The following PLXNA2 variants were observed in gnomAD, a reference collection of about 807,000 sequenced individuals.
The protein encoded by PLXNA2 is plexin-A2.
A neutral mutation model predicts 193.5 loss-of-function variants in PLXNA2; 91 were observed. The ratio of observed to expected loss-of-function variants is 0.47; its 90% CI spans 0.40 to 0.56. The LOEUF (loss-of-function observed/expected upper bound fraction) is 0.56. PLXNA2 is among the 20% of genes least tolerant of loss of function. PLXNA2 has a pLI of 0.00. For missense variants in PLXNA2, 1,995 were observed against 2,503.2 expected, an observed-to-expected ratio of 0.80 and a Z score of 4.33; for synonymous variants, 997 against 1,027.3, an observed-to-expected ratio of 0.97 and a Z score of 0.56.
At position 208,042,206 on chromosome 1, in the gene PLXNA2, C is replaced by A. The variant is rs1664892399; in HGVS notation, c.4178G>T (p.Gly1393Val). 6.2e-7 allele frequency: 1 copy of A among 1,614,220 alleles called. No individual in the cohort carries two copies. Among genetic ancestry groups the A allele is most frequent in the South Asian group, 1.1e-5 (1 of 91,090 alleles). ...RGNVASLIMT[G>V]LQGRLEYATD... ...GGCATATTCCAGGCGGCCCTGCAGG[C>A]CGGTCATGATGAGCGAAGCCACGTT... Residue 1393 changes from glycine to valine, a missense_variant, in exon 22 of 32, where the codon GGC becomes GTC. This residue lies in a region of PLXNA2 where 1,291 missense variants were observed against 1,673.6 expected (regional missense o/e 0.77). Transcript: ENST00000367033.
chr1:208,122,827 G>T (rs1187158820), intron 4 of PLXNA2, among the ~76,000 whole-genome samples: 1 of 152,168 alleles, frequency 6.6e-6, no homozygotes, highest in Non-Finnish European at 1.5e-5. Context: ...CTTCCTCTTT[G>T]GGTGGTGGTT....
chr1:208,212,555 G>A (rs1013441072), intron 2 of PLXNA2, among the ~76,000 whole-genome samples: 3 of 152,130 alleles, frequency 2.0e-5, no homozygotes, highest in South Asian at 2.1e-4. Context: ...CAGCTGTTAG[G>A]GAATAACTGT....
At chr1:208,173,942 C>T (rs1669577013) in intron 3 of PLXNA2, among the ~76,000 whole-genome samples, 1 of 152,244 alleles carries the variant, frequency 6.6e-6, no homozygotes, top group Non-Finnish European at 1.5e-5. Context: ...TACCAGGATG[C>T]TGAGATGTGG....
At position 208,122,059 on chromosome 1, in the gene PLXNA2, T is replaced by G. The variant is rs950383610; in HGVS notation, c.1507-18812A>C. Among the ~76,000 whole-genome samples the G allele has an allele frequency of 4.6e-5, 7 of 152,082 alleles. No individual in the cohort carries two copies. In the South Asian group the frequency reaches 1.2e-3, roughly 27 times the overall value. On this transcript the variant is annotated intron_variant, in intron 4 of 31. Coordinates refer to ENST00000367033, the MANE Select transcript of PLXNA2 (RefSeq NM_025179.4). ...TCAGGAGCTGTCTCTCTCTGGCTGG[T>G]AGTGAAAAAAGATTAGGGCTGCCCA...
intron 17 of PLXNA2, among the ~76,000 whole-genome samples, chr1:208,049,910 G>A (rs1176418262): frequency 6.6e-6 from 1 of 152,126 alleles, no homozygotes; most frequent in Non-Finnish European, 1.5e-5. Context: ...GGTCAAAGCA[G>A]TAATGATAGT....
rs762034814 is a variant in PLXNA2, at chr1:208,054,449, G to A, written c.2828C>T (p.Thr943Met). ...GAAGGTGTACTGCTGATGGGACTTC[G>A]TCATGAACTCTGGCTTACACTCGCC... ...CIGECKPEFM[T>M]KSHQQYTFVN... is the part of the protein sequence containing the mutation. The change falls in exon 14 of 32, where the codon ACG (threonine) becomes ATG (methionine). Residue 943 changes from threonine to methionine, a missense_variant. By Grantham distance (81) the Thr-to-Met change is moderately conservative. Transcript: ENST00000367033. 1.9e-6 allele frequency: 3 copies of A among 1,614,106 alleles called. No individual in the cohort carries two copies. The highest frequency in any genetic ancestry group is 2.2e-5 in the East Asian group (1 of 44,876).
chr1:208,201,435 A>G (rs1182816827), intron 3 of PLXNA2, among the ~76,000 whole-genome samples: 1 of 152,230 alleles, frequency 6.6e-6, no homozygotes, highest in Non-Finnish European at 1.5e-5. Context: ...AAAGTCCAGC[A>G]GGATTAGATT....
chr1:208,072,399 G>T (rs1279450600), intron 12 of PLXNA2, among the ~76,000 whole-genome samples: 1 of 152,176 alleles, frequency 6.6e-6, no homozygotes, highest in Non-Finnish European at 1.5e-5. Context: ...AGGGTGGTGG[G>T]TTCCTGGTCA....
chr1:208,042,423 C>T, intron 21 of PLXNA2, 57 bp from the exon 22 acceptor site: 1 of 1,572,438 alleles, frequency 6.4e-7, no homozygotes, highest in Non-Finnish European at 8.7e-7. Context: ...GGGCCTCCTA[C>T]CTGAGGGTCT....
intron 29 of PLXNA2, chr1:208,030,485 C>T (rs1193239190): frequency 1.0e-6 from 1 of 983,084 alleles, no homozygotes; most frequent in Non-Finnish European, 1.2e-6. Flanking sequence ...CCTGTCCTGG[C>T]AAAGTGGACT....
intron 12 of PLXNA2, among the ~76,000 whole-genome samples, chr1:208,063,470 TA>T (rs1158299803): frequency 5.9e-5 from 9 of 152,164 alleles, no homozygotes; most frequent in Non-Finnish European, 7.3e-5. Context: ...TTGGGTAAAT[TA>T]TTGGCAAGCA....
intron 4 of PLXNA2, among the ~76,000 whole-genome samples, chr1:208,113,546 C>CTT (rs397695261): frequency 0.082 from 8,697 of 105,592 alleles, 795 homozygotes; most frequent in East Asian, 0.11. Flanking sequence ...CTCTCTCTCT[C>CTT]TTTTTTTTTT....
At chr1:208,122,063 G>A (rs1667823811) in intron 4 of PLXNA2, among the ~76,000 whole-genome samples, 1 of 152,148 alleles carries the variant, frequency 6.6e-6, no homozygotes, top group African/African-American at 2.4e-5. Context: ...GGCTGGTAGT[G>A]AAAAAAGATT....
At chr1:208,112,407 T>A (rs1667509502) in intron 4 of PLXNA2, among the ~76,000 whole-genome samples, 1 of 152,252 alleles carries the variant, frequency 6.6e-6, no homozygotes, top group South Asian at 2.1e-4. Flanking sequence ...GATGCTGGAC[T>A]TTCTTGAGCT....
intron 4 of PLXNA2, among the ~76,000 whole-genome samples, chr1:208,114,437 G>A (rs1667578042): frequency 6.6e-6 from 1 of 152,202 alleles, no homozygotes; most frequent in African/African-American, 2.4e-5. Context: ...CTTCTTCACT[G>A]CACCAGGTCA....
At chr1:208,053,062 G>T (rs764136555) in intron 14 of PLXNA2, among the ~76,000 whole-genome samples, 1 of 152,206 alleles carries the variant, frequency 6.6e-6, no homozygotes, top group African/African-American at 2.4e-5. Flanking sequence ...TCACTAAGTA[G>T]TAAAATTCAG....
chr1:208,061,736 T>C (rs1558171559), intron 12 of PLXNA2, among the ~76,000 whole-genome samples: 3 of 152,288 alleles, frequency 2.0e-5, no homozygotes, highest in East Asian at 3.9e-4. Flanking sequence ...AAGTTCTATC[T>C]GGGAACAGAC....
intron 12 of PLXNA2, among the ~76,000 whole-genome samples, chr1:208,076,340 A>G (rs1421600543): frequency 6.6e-6 from 1 of 152,086 alleles, no homozygotes; most frequent in Admixed American, 6.5e-5. Context: ...TCTGCTCCCC[A>G]AAGAACTGGG....
rs1457122651 is a variant in PLXNA2 at position 208,044,387 on chromosome 1, TG to T, written c.3874+120del. The T allele has an allele frequency of 1.3e-5, 9 of 705,636 alleles. No homozygotes were observed. Among genetic ancestry groups the T allele is most frequent in the Non-Finnish European group, 1.5e-5 (6 of 409,416 alleles). The allele number at this position is 705,636 out of a possible 1,614,324, so 43.7% of individuals were successfully genotyped here. On this transcript the variant is annotated intron_variant, in intron 20 of 31. Coordinates refer to ENST00000367033, the MANE Select transcript of PLXNA2 (RefSeq NM_025179.4). This position sits in a 1 kb window ranked among gnomAD's most constrained non-coding sequence, Gnocchi z 4.9. ...AGTTCTGGGAAAACAGGGGTGAAAG[TG>T]GAATGCAGAGGCATGGCTGGCAGCG...
Sources: allele counts gnomAD v4.1 joint callset (sites outside exome capture counted in the v4.1 genomes callset), GRCh38; gene constraint gnomAD v4.1.1; regional missense constraint gnomAD v4.1.1; non-coding constraint Gnocchi (gnomAD v3.1); transcripts MANE v1.5; gene names NCBI Gene and HGNC (gene_info 2026-07-23, HGNC 2026-07-21).